The following ZNF420 variants were observed in gnomAD, a reference collection of about 807,000 sequenced individuals.
The protein encoded by ZNF420 is zinc finger protein 420.
Under a neutral mutation model 44.7 loss-of-function variants are expected in ZNF420, and 31 were observed. The ratio of observed to expected loss-of-function variants is 0.69; its 90% confidence interval spans 0.52 to 0.94. ZNF420 has a LOEUF of 0.94. Among genes scored for constraint, ZNF420 ranks in the 40% least tolerant of loss-of-function variants. The probability of loss-of-function intolerance (pLI) is 0.00; values close to 1 mark genes in which losing one functional copy is unlikely to be tolerated. For synonymous variants in ZNF420, 245 were observed against 267.4 expected, an observed-to-expected ratio of 0.92 and a Z score of 0.82; for missense variants, 681 against 827.9, an observed-to-expected ratio of 0.82 and a Z score of 2.18.
rs146785088 is a variant in ZNF420, at chr19:37,129,140, G to A, written c.*82G>A. On this transcript the variant is annotated 3_prime_UTR_variant, in exon 5 of 5. Transcript: ENST00000337995. ...AATTCTCACAAATGTGAATATGGGC[G>A]CACATTTGCCTCATAAAGCACAGCA... 2.8e-4 allele frequency: 408 copies of A among 1,481,342 alleles called. 2 individuals carry two copies. In the East Asian group the frequency reaches 7.8e-3, roughly 28 times the overall value. 91.8% of individuals were successfully genotyped at this position (1,481,342 alleles called of 1,614,324 possible). A position where few individuals can be genotyped will look rare whatever the true frequency, so the allele number is the denominator to read the frequency against.
chr19:37,073,735 ACT>A (rs1408249902), upstream of ZNF420, among the ~76,000 whole-genome samples: 6 of 145,900 alleles, frequency 4.1e-5, no homozygotes, highest in African/African-American at 1.5e-4. Context: ...ACAGAGCGAG[ACT>A]CTGCCTGAAA....
chr19:37,124,521 C>G (rs1327023087), intron 4 of ZNF420, among the ~76,000 whole-genome samples: 1 of 152,196 alleles, frequency 6.6e-6, no homozygotes, highest in Non-Finnish European at 1.5e-5. Flanking sequence ...AACTACCACA[C>G]TCTTTTTTAC....
intron 4 of ZNF420, among the ~76,000 whole-genome samples, chr19:37,095,659 C>T (rs145699263): frequency 1.1e-3 from 168 of 152,032 alleles, no homozygotes; most frequent in African/African-American, 4.0e-3. Flanking sequence ...AGTGCAGTGG[C>T]GCAATTTCGG....
rs1479503595 is a variant in ZNF420 at position 37,122,038 on chromosome 19, T to C, written c.137-5090T>C. On this transcript the variant is annotated intron_variant, in intron 4 of 4. Transcript: ENST00000337995. ...TGGGACTGTAAACTAGTTCAACCAT[T>C]GTGGAAGTCAGTGTGGTGCTTCCTC... Among the ~76,000 whole-genome samples the C allele has an allele frequency of 6.6e-4, 100 of 152,234 alleles. 2 individuals are homozygous for C. Among genetic ancestry groups the C allele is most frequent in the Admixed American group, 6.5e-3 (99 of 15,286 alleles).
At chr19:37,008,184 G>A (rs1054090174) in intron 1 of ZNF420, 1 of 313,798 alleles carries the variant, frequency 3.2e-6, no homozygotes, top group African/African-American at 2.3e-5. Context: ...ACAGAGAGCA[G>A]AACCCCGCAG....
At chr19:37,023,683 T>C (rs2074665586) in intron 1 of ZNF420, among the ~76,000 whole-genome samples, 1 of 152,178 alleles carries the variant, frequency 6.6e-6, no homozygotes, top group African/African-American at 2.4e-5. Flanking sequence ...GGTTTTCTTG[T>C]GTTGTTATAA....
rs549364046 is a variant in ZNF420, at chr19:37,059,372, C to T, written c.-124-20973C>T. Among the ~76,000 whole-genome samples, 18 of 152,382 alleles carry T rather than the reference C, an allele frequency of 1.2e-4. No individual in the cohort carries two copies. The South Asian group carries it at 3.5e-3, about 30-fold the overall frequency. On this transcript the variant is annotated intron_variant, in intron 1 of 4. Coordinates refer to the ZNF420 transcript ENST00000587029. ...AGCGCGAGTCAACCCCGCCAATGCG[C>T]ATGCGCGAGGCGCGAGCGGATTCTC... is the stretch of plus-strand genomic sequence containing the variant.
intron 1 of ZNF420, among the ~76,000 whole-genome samples, chr19:37,019,913 C>T (rs1048871226): frequency 6.6e-6 from 1 of 151,780 alleles, no homozygotes; most frequent in Non-Finnish European, 1.5e-5. Context: ...CTTGGACAAA[C>T]ACCGCCATTT....
intron 1 of ZNF420, among the ~76,000 whole-genome samples, chr19:37,066,510 C>T (rs957635987): frequency 6.6e-6 from 1 of 151,682 alleles, no homozygotes; most frequent in Non-Finnish European, 1.5e-5. Context: ...AAATTTTGAC[C>T]AGATACTTCA....
intron 4 of ZNF420, among the ~76,000 whole-genome samples, chr19:37,116,492 T>C (rs1568470230): frequency 6.6e-6 from 1 of 150,802 alleles, no homozygotes; most frequent in Non-Finnish European, 1.5e-5. Flanking sequence ...GATGGCCAAA[T>C]AGGAACAGCT....
intron 4 of ZNF420, among the ~76,000 whole-genome samples, chr19:37,102,712 A>G (rs1197329424): frequency 6.6e-6 from 1 of 152,176 alleles, no homozygotes; most frequent in East Asian, 1.9e-4. Context: ...AGAGACTTTT[A>G]TCTGTGGATG....
chr19:37,012,310 G>A (rs548740076), intron 1 of ZNF420, among the ~76,000 whole-genome samples: 2 of 152,328 alleles, frequency 1.3e-5, no homozygotes, highest in East Asian at 1.9e-4. Flanking sequence ...GGAGCGGAGC[G>A]CGAGTCGGCC....
intron 1 of ZNF420, among the ~76,000 whole-genome samples, chr19:37,040,793 G>A (rs976720387): frequency 3.9e-5 from 6 of 152,120 alleles, no homozygotes; most frequent in African/African-American, 1.4e-4. Flanking sequence ...GTACTTAAGT[G>A]ATTAAAATTC....
intron 1 of ZNF420, among the ~76,000 whole-genome samples, chr19:37,054,261 TTTTC>T (rs1967701229): frequency 6.6e-6 from 1 of 152,212 alleles, no homozygotes; most frequent in Non-Finnish European, 1.5e-5. Context: ...TCTGTCACCC[TTTTC>T]TTTGACTAGG....
At chr19:37,020,961 GTGTT>G (rs2074644013) in intron 1 of ZNF420, among the ~76,000 whole-genome samples, 1 of 152,188 alleles carries the variant, frequency 6.6e-6, no homozygotes, top group Non-Finnish European at 1.5e-5. Flanking sequence ...AATGGTGGTG[GTGTT>G]TGTTCAACAA....
At chr19:37,032,340 A>T (rs954104082) in intron 1 of ZNF420, among the ~76,000 whole-genome samples, 1 of 149,936 alleles carries the variant, frequency 6.7e-6, no homozygotes, top group Non-Finnish European at 1.5e-5. Flanking sequence ...AAAAAAAAAA[A>T]CCCAAAAAAC....
At chr19:37,036,993 C>T (rs1335268440) in intron 1 of ZNF420, among the ~76,000 whole-genome samples, 4 of 152,186 alleles carry the variant, frequency 2.6e-5, no homozygotes, top group Non-Finnish European at 4.4e-5. Flanking sequence ...AATCCTCAGC[C>T]CCAGGCCAAA....
rs770540620 is a variant in ZNF420, at chr19:37,130,173, T to A, written c.*1115T>A. The A allele has an allele frequency of 6.5e-7, 1 of 1,550,342 alleles. No homozygotes were observed. The highest frequency in any genetic ancestry group is 2.0e-5 in the Admixed American group (1 of 50,974). On this transcript the variant is annotated 3_prime_UTR_variant, in exon 5 of 5. Transcript: ENST00000337995. ...AGCTCCGTTACTCTCATGGGGACTT[T>A]GAGAATGGTATCTGGGTGTTATGGA...
intron 1 of ZNF420, among the ~76,000 whole-genome samples, chr19:37,047,145 CAG>C (rs1381073159): frequency 6.6e-6 from 1 of 152,126 alleles, no homozygotes; most frequent in African/African-American, 2.4e-5. Context: ...ATTTGAAAAA[CAG>C]AAAAGCAAAA....
Sources: gnomAD v4.1 joint callset for allele counts (sites outside exome capture counted in the v4.1 genomes callset) on GRCh38, gnomAD v4.1.1 for gene constraint, MANE v1.5 for transcripts, NCBI Gene and HGNC (gene_info 2026-07-23, HGNC 2026-07-21) for gene names.